WDR49: variants seen among roughly 807,000 people sequenced by gnomAD.
WDR49 encodes WD repeat domain 49.
A neutral mutation model predicts 119.5 loss-of-function variants in WDR49; 107 were observed. The ratio of observed to expected loss-of-function variants is 0.90; its 90% CI spans 0.77 to 1.05. The LOEUF (loss-of-function observed/expected upper bound fraction) is 1.05. Ranked by LOEUF, WDR49 falls within the 50% of genes least tolerant of loss-of-function variation. The pLI is 0.00. For synonymous variants in WDR49, 425 were observed against 418.8 expected (o/e 1.01, Z -0.18); for missense variants, 1,240 against 1,220.5 (o/e 1.02, Z -0.24).
At chr3:167,647,920 G>A (rs1004463617) in intron 2 of WDR49, among the ~76,000 whole-genome samples, 1 of 152,050 alleles carries the variant, frequency 6.6e-6, no homozygotes, top group Non-Finnish European at 1.5e-5. Flanking sequence ...CTGATTATGC[G>A]TTAGTTCCAA....
intron 8 of WDR49, among the ~76,000 whole-genome samples, chr3:167,560,536 A>G (rs1294444210): frequency 6.6e-6 from 1 of 152,146 alleles, no homozygotes; most frequent in Admixed American, 6.5e-5. Flanking sequence ...AATCTTTCCC[A>G]TTTAGATGAG....
At chr3:167,533,092 G>A (rs73173030) in intron 11 of WDR49, 115 bp from the exon 12 acceptor site, 1 of 594,000 alleles carries the variant, frequency 1.7e-6, no homozygotes, top group African/African-American at 1.9e-5. Context: ...ATGGCACATA[G>A]TGGGCACTCT....
At chr3:167,558,167 A>G (rs756029039) in intron 9 of WDR49, among the ~76,000 whole-genome samples, 4 of 152,226 alleles carry the variant, frequency 2.6e-5, no homozygotes, top group Non-Finnish European at 5.9e-5. Flanking sequence ...ACAAGAAAAC[A>G]GTAACAGTGG....
At chr3:167,487,476 A>C (rs1750969635) in intron 18 of WDR49, among the ~76,000 whole-genome samples, 1 of 152,060 alleles carries the variant, frequency 6.6e-6, no homozygotes, top group Non-Finnish European at 1.5e-5. Flanking sequence ...TTGGCAAAGA[A>C]TTTTTGGCTA....
chr3:167,621,471 C>T lies in WDR49; in HGVS notation c.779G>A (p.Gly260Glu), dbSNP rs267599677. ...ESILSFGDIT[G>E]KVQAIAFTAA... Reference sequence around the variant, plus strand: ...TCTTAATCTACCCTCACTTACCTTTCCAGTTATATCCCCAAAAGAAAGAAT... The same window carrying T: ...TCTTAATCTACCCTCACTTACCTTTTCAGTTATATCCCCAAAAGAAAGAAT... The change falls in exon 4 of 19, where the codon GGA becomes GAA. Residue 260 changes from glycine to glutamate, a missense_variant. Gly to Glu is a moderately conservative substitution (Grantham distance 98, BLOSUM62 -2). Coordinates refer to ENST00000682715, the MANE Select transcript of WDR49 (RefSeq NM_001366157.1). The T allele has an allele frequency of 2.0e-6, 3 of 1,528,720 alleles. No homozygotes were observed. Among genetic ancestry groups the T allele is most frequent in the Non-Finnish European group, 2.6e-6 (3 of 1,143,006 alleles). 94.7% of individuals were successfully genotyped at this position (1,528,720 alleles called of 1,614,324 possible).
At chr3:167,553,969 T>C (rs897747007) in intron 10 of WDR49, among the ~76,000 whole-genome samples, 3 of 152,134 alleles carry the variant, frequency 2.0e-5, no homozygotes, top group Admixed American at 6.6e-5. Flanking sequence ...ATTAAGGTCA[T>C]AATTCTATAG....
At chr3:167,657,428 T>C (rs185524779), upstream of WDR49, among the ~76,000 whole-genome samples, 3 of 152,216 alleles carry the variant, frequency 2.0e-5, no homozygotes, top group Admixed American at 2.0e-4. Context: ...GTTCAGCTAA[T>C]AATAAAGACA....
At chr3:167,632,667 G>A (rs1293589812) in intron 2 of WDR49, among the ~76,000 whole-genome samples, 1 of 151,958 alleles carries the variant, frequency 6.6e-6, no homozygotes, top group Non-Finnish European at 1.5e-5. Flanking sequence ...TACAATTAAG[G>A]TAATTGATCT....
At chr3:167,657,392 A>G (rs1437155568), upstream of WDR49, among the ~76,000 whole-genome samples, 1 of 152,200 alleles carries the variant, frequency 6.6e-6, no homozygotes, top group African/African-American at 2.4e-5. Flanking sequence ...GTATACCATA[A>G]TATAATAAAT....
intron 7 of WDR49, among the ~76,000 whole-genome samples, chr3:167,592,961 T>A (rs922389760): frequency 1.3e-5 from 2 of 152,216 alleles, no homozygotes; most frequent in African/African-American, 4.8e-5. Flanking sequence ...CTGAAAATTT[T>A]GCTGCCAGAC....
chr3:167,638,569 T>C (rs942145658), intron 2 of WDR49, among the ~76,000 whole-genome samples: 2 of 151,594 alleles, frequency 1.3e-5, no homozygotes, highest in Non-Finnish European at 3.0e-5. Context: ...TGTGAACGTC[T>C]CCTGGAGCAG....
chr3:167,487,689 A>G (rs1380189933), intron 18 of WDR49, among the ~76,000 whole-genome samples: 1 of 152,102 alleles, frequency 6.6e-6, no homozygotes. Flanking sequence ...AGCAAGCATA[A>G]AACAACACTA....
chr3:167,526,400 G>A (rs937448279), intron 15 of WDR49, among the ~76,000 whole-genome samples: 2 of 152,096 alleles, frequency 1.3e-5, no homozygotes, highest in Non-Finnish European at 2.9e-5. Flanking sequence ...ACTTGATGAC[G>A]TTTCGTTTCT....
At chr3:167,623,953 G>A (rs1440718046) in intron 3 of WDR49, among the ~76,000 whole-genome samples, 1 of 151,946 alleles carries the variant, frequency 6.6e-6, no homozygotes, top group African/African-American at 2.4e-5. Flanking sequence ...TTAAGAGAAT[G>A]TAAAAACTGA....
At position 167,605,103 on chromosome 3, in the gene WDR49, T is replaced by TAC. The variant is rs147965737; in HGVS notation, c.959-637_959-636dup. ...TATATTTGTAATATGTGTATATATA[T>TAC]ACACACACACACACACACACACACA... is the stretch of plus-strand genomic sequence containing the variant. On this transcript the variant is annotated intron_variant, in intron 5 of 18. Transcript: ENST00000682715. 7.4e-3 allele frequency among the ~76,000 whole-genome samples: 1,089 copies of TAC among 147,136 alleles called. 10 individuals are homozygous for TAC. Among genetic ancestry groups the TAC allele is most frequent in the African/African-American group, 0.016 (643 of 40,142 alleles).
intron 5 of WDR49, among the ~76,000 whole-genome samples, chr3:167,618,432 C>G (rs1182522851): frequency 6.6e-6 from 1 of 152,110 alleles, no homozygotes; most frequent in African/African-American, 2.4e-5. Context: ...GATTGACACT[C>G]AAGTCCATAA....
chr3:167,516,641 T>G (rs1752218419), intron 16 of WDR49, among the ~76,000 whole-genome samples: 1 of 152,148 alleles, frequency 6.6e-6, no homozygotes, highest in East Asian at 1.9e-4. Flanking sequence ...GGTCAAATGG[T>G]ATTTCTAGTT....
chr3:167,564,087 T>A (rs1441005800), intron 8 of WDR49, among the ~76,000 whole-genome samples: 2 of 152,236 alleles, frequency 1.3e-5, no homozygotes, highest in Non-Finnish European at 2.9e-5. Flanking sequence ...CTTTTTGCCA[T>A]TTTGTACTCT....
At chr3:167,545,214 G>A (rs1014662800) in intron 10 of WDR49, among the ~76,000 whole-genome samples, 10 of 151,656 alleles carry the variant, frequency 6.6e-5, no homozygotes, top group South Asian at 6.2e-4. Flanking sequence ...TGGCATGGAC[G>A]TGGTGAAAAG....
Sources: gnomAD v4.1 joint callset for allele counts (sites outside exome capture counted in the v4.1 genomes callset) on GRCh38, gnomAD v4.1.1 for gene constraint, MANE v1.5 for transcripts, NCBI Gene and HGNC (gene_info 2026-07-23, HGNC 2026-07-21) for gene names.